The following SAMTOR variants were observed in gnomAD, a reference collection of about 807,000 sequenced individuals.
SAMTOR encodes the protein UPF0532 protein C7orf60.
At chr7:112,912,234 C>T in the SAMTOR span, among the ~76,000 whole-genome samples, 1,623 of 151,874 alleles carry the variant, frequency 0.011, 29 homozygotes, top group African/African-American at 0.037. Flanking sequence ...TGTAATTTAC[C>T]TTCAAATAGT....
chr7:112,878,809 G>A, the SAMTOR span, among the ~76,000 whole-genome samples: 3 of 152,070 alleles, frequency 2.0e-5, no homozygotes, highest in Admixed American at 2.0e-4. Context: ...AAAAGTTTTA[G>A]TAAAAGAGCT....
chr7:112,861,034 T>C, the SAMTOR span, among the ~76,000 whole-genome samples: 1 of 150,230 alleles, frequency 6.7e-6, no homozygotes, highest in Non-Finnish European at 1.5e-5. Context: ...TGGAAAAAAC[T>C]ATAAAAAAGG....
chr7:112,933,874 T>TTA, the SAMTOR span, among the ~76,000 whole-genome samples: 1 of 152,280 alleles, frequency 6.6e-6, no homozygotes, highest in Admixed American at 6.5e-5. Context: ...AACCATGGCC[T>TTA]TAGACGCTTT....
chr7:112,917,676 A>C, the SAMTOR span, among the ~76,000 whole-genome samples: 5 of 152,320 alleles, frequency 3.3e-5, 1 homozygote, highest in East Asian at 9.6e-4. Flanking sequence ...TTCAAACCAA[A>C]GGCAAAGAAG....
At chr7:112,827,996 T>C in the SAMTOR span, among the ~76,000 whole-genome samples, 1,648 of 152,242 alleles carry the variant, frequency 0.011, 31 homozygotes, top group African/African-American at 0.037. Flanking sequence ...ATATTACAGG[T>C]GTAAGCCACC....
the SAMTOR span, among the ~76,000 whole-genome samples, chr7:112,898,612 G>A: frequency 6.6e-6 from 1 of 151,980 alleles, no homozygotes; most frequent in African/African-American, 2.4e-5. Flanking sequence ...TTCATTACCT[G>A]CTGACTAAAG....
chr7:112,895,563 A>G, the SAMTOR span: 1 of 1,524,190 alleles, frequency 6.6e-7, no homozygotes, highest in Non-Finnish European at 8.9e-7. Flanking sequence ...GAAAAAGTAT[A>G]CTTACTCAGT....
the SAMTOR span, among the ~76,000 whole-genome samples, chr7:112,881,924 G>A: frequency 5.9e-5 from 9 of 152,224 alleles, no homozygotes; most frequent in Admixed American, 2.0e-4. Flanking sequence ...GACACATTGC[G>A]GGCAACAAGG....
At chr7:112,847,537 G>A in the SAMTOR span, among the ~76,000 whole-genome samples, 5 of 151,352 alleles carry the variant, frequency 3.3e-5, no homozygotes, top group South Asian at 1.0e-3. Context: ...CCAGCATTTT[G>A]AGAAGCCGAG....
At chr7:112,895,153 G>A in the SAMTOR span, among the ~76,000 whole-genome samples, 1 of 151,304 alleles carries the variant, frequency 6.6e-6, no homozygotes, top group Non-Finnish European at 1.5e-5. Context: ...TTGATTCTTT[G>A]TTTTGATAAT....
At chr7:112,918,652 C>G in the SAMTOR span, among the ~76,000 whole-genome samples, 1 of 152,102 alleles carries the variant, frequency 6.6e-6, no homozygotes, top group Non-Finnish European at 1.5e-5. Context: ...CACAGACTGG[C>G]AAATTGGATA....
chr7:112,867,398 A>G, the SAMTOR span, among the ~76,000 whole-genome samples: 1 of 149,054 alleles, frequency 6.7e-6, no homozygotes, highest in Non-Finnish European at 1.5e-5. Flanking sequence ...CATGAGGCAT[A>G]ATTAATAATT....
chr7:112,851,265 A>G, the SAMTOR span, among the ~76,000 whole-genome samples: 2 of 152,202 alleles, frequency 1.3e-5, no homozygotes, highest in South Asian at 4.1e-4. Flanking sequence ...AAAAGAACCA[A>G]GCTGGAATCA....
At chr7:112,832,656 T>C in the SAMTOR span, 1 of 1,610,226 alleles carries the variant, frequency 6.2e-7, no homozygotes, top group Non-Finnish European at 8.5e-7. Context: ...AATCTGATTT[T>C]TCCTGAGGCT....
At chr7:112,837,228 C>T in the SAMTOR span, among the ~76,000 whole-genome samples, 1 of 151,908 alleles carries the variant, frequency 6.6e-6, no homozygotes, top group Non-Finnish European at 1.5e-5. Flanking sequence ...CTTGATTTGG[C>T]TCTCAGCTTG....
chr7:112,876,586 C>G, the SAMTOR span, among the ~76,000 whole-genome samples: 2 of 152,048 alleles, frequency 1.3e-5, no homozygotes, highest in Non-Finnish European at 2.9e-5. Context: ...CTGGATCTAC[C>G]CAGAGTTCAC....
chr7:112,861,082 G>GC, the SAMTOR span, among the ~76,000 whole-genome samples: 1 of 151,984 alleles, frequency 6.6e-6, no homozygotes, highest in African/African-American at 2.4e-5. Context: ...TCATATCATT[G>GC]CCCTAAGTGA....
chr7:112,932,015 A>G, the SAMTOR span, among the ~76,000 whole-genome samples: 7 of 150,550 alleles, frequency 4.6e-5, no homozygotes, highest in African/African-American at 1.7e-4. Flanking sequence ...AACCTCCGCC[A>G]TCCAGGTTCA....
chr7:112,873,245 G>C, the SAMTOR span, among the ~76,000 whole-genome samples: 3 of 151,222 alleles, frequency 2.0e-5, no homozygotes, highest in Admixed American at 2.0e-4. Flanking sequence ...AACCAAAAAA[G>C]AGCCCAAATA....
Sources: gnomAD v4.1 joint callset for allele counts (sites outside exome capture counted in the v4.1 genomes callset) on GRCh38, gnomAD v4.1.1 for gene constraint, MANE v1.5 for transcripts, NCBI Gene and HGNC (gene_info 2026-07-23, HGNC 2026-07-21) for gene names.